Variants in TRPM3 observed in about 807,000 individuals in gnomAD.
TRPM3 encodes the protein long transient receptor potential channel 3.
Under a neutral mutation model 181.2 loss-of-function variants are expected in TRPM3, and 77 were observed. That is an observed-to-expected ratio of 0.42 (90% CI 0.35 to 0.51). TRPM3 has a LOEUF of 0.51. Among genes scored for constraint, TRPM3 ranks in the 20% least tolerant of loss-of-function variants. The probability of loss-of-function intolerance (pLI) is 0.01; values close to 1 mark genes in which losing one functional copy is unlikely to be tolerated. For missense variants in TRPM3, 1,759 were observed against 2,196.7 expected, an observed-to-expected ratio of 0.80 and a Z score of 3.98; for synonymous variants, 745 against 796.4, an observed-to-expected ratio of 0.94 and a Z score of 1.09.
At chr9:70,978,288 T>A (rs1284348724) in intron 1 of TRPM3, among the ~76,000 whole-genome samples, 1 of 152,252 alleles carries the variant, frequency 6.6e-6, no homozygotes, top group Non-Finnish European at 1.5e-5. Flanking sequence ...AATGTTTTGA[T>A]GCTTCTTAGG....
At chr9:71,148,858 A>C (rs2075576387) in intron 1 of TRPM3, among the ~76,000 whole-genome samples, 1 of 152,206 alleles carries the variant, frequency 6.6e-6, no homozygotes, top group Non-Finnish European at 1.5e-5. Context: ...ATCTGTGGTC[A>C]TTATAGTAAT....
chr9:71,431,755 C>T (rs2093957046), intron 1 of TRPM3, among the ~76,000 whole-genome samples: 1 of 152,076 alleles, frequency 6.6e-6, no homozygotes, highest in East Asian at 1.9e-4. Context: ...AAATAAAACC[C>T]ACAGTGGAAT....
intron 1 of TRPM3, among the ~76,000 whole-genome samples, chr9:70,909,381 G>A (rs1453826353): frequency 2.0e-5 from 3 of 152,148 alleles, no homozygotes; most frequent in South Asian, 2.1e-4. Context: ...GGTGATGGGA[G>A]CGGTTAGACC....
chr9:71,251,065 A>C (rs1249316278), intron 1 of TRPM3, among the ~76,000 whole-genome samples: 2 of 152,142 alleles, frequency 1.3e-5, no homozygotes, highest in Non-Finnish European at 2.9e-5. Flanking sequence ...GATGGATGGG[A>C]AGATAAGTAT....
chr9:71,337,235 G>GA (rs1277025661), intron 1 of TRPM3, among the ~76,000 whole-genome samples: 2 of 151,744 alleles, frequency 1.3e-5, no homozygotes, highest in South Asian at 2.1e-4. Context: ...AAATTTACAA[G>GA]AAAAAAACAA....
intron 1 of TRPM3, among the ~76,000 whole-genome samples, chr9:71,326,211 A>G (rs2089669633): frequency 6.6e-6 from 1 of 152,234 alleles, no homozygotes; most frequent in Non-Finnish European, 1.5e-5. Context: ...GTAGCAAACA[A>G]AATGTCCTAC....
In TRPM3 at chr9:71,147,207, G is replaced by A. The variant is rs555732032; in HGVS notation, c.184-282696C>T. ...AGTGAAAAAATAGAGTATTTTCATC[G>A]AGGAGATAGCTTCATGGATTTCTTA... On this transcript the variant is annotated intron_variant, in intron 1 of 24. Transcript: ENST00000357533. Among the ~76,000 whole-genome samples, 22 of 152,232 alleles carry A rather than the reference G, an allele frequency of 1.4e-4. No individual in the cohort carries two copies. The East Asian group carries it at 3.5e-3, about 24-fold the overall frequency.
At position 71,305,453 on chromosome 9, in the gene TRPM3, C is replaced by T. The variant is rs563520316; in HGVS notation, c.183+141200G>A. 2.0e-5 allele frequency among the ~76,000 whole-genome samples: 3 copies of T among 152,194 alleles called. No homozygotes were observed. In the East Asian group the frequency reaches 5.8e-4, roughly 29 times the overall value. The stretch of plus-strand genomic sequence containing the variant: ...TAATTTGTGTCAAGCTTGCTGATGG[C>T]AGCTGCTGTTGGTACTTTTCTCCAG... On this transcript the variant is annotated intron_variant, in intron 1 of 24. Coordinates refer to the TRPM3 transcript ENST00000357533.
At chr9:71,027,359 A>G (rs1416802212) in intron 1 of TRPM3, among the ~76,000 whole-genome samples, 1 of 152,234 alleles carries the variant, frequency 6.6e-6, no homozygotes, top group East Asian at 1.9e-4. Flanking sequence ...ACGTCTGCCT[A>G]CAAAGATAAG....
At chr9:70,555,717 C>A (rs1335754459) in intron 22 of TRPM3, among the ~76,000 whole-genome samples, 1 of 152,178 alleles carries the variant, frequency 6.6e-6, no homozygotes, top group Non-Finnish European at 1.5e-5. Context: ...CTCATGGAAC[C>A]ATTGCTTTGT....
intron 1 of TRPM3, among the ~76,000 whole-genome samples, chr9:70,880,801 T>G (rs574584178): frequency 6.6e-6 from 1 of 152,240 alleles, no homozygotes; most frequent in African/African-American, 2.4e-5. Context: ...TACAAGTAAC[T>G]TAGAGGCTAC....
At chr9:70,693,184 C>G (rs2069098707) in intron 8 of TRPM3, among the ~76,000 whole-genome samples, 1 of 152,170 alleles carries the variant, frequency 6.6e-6, no homozygotes, top group South Asian at 2.1e-4. Context: ...CTTTTCCTGG[C>G]AATTGATGTT....
chr9:71,115,624 G>A (rs1313867052), intron 1 of TRPM3, among the ~76,000 whole-genome samples: 3 of 152,194 alleles, frequency 2.0e-5, no homozygotes, highest in Non-Finnish European at 4.4e-5. Context: ...TCATCTGGCA[G>A]GACAGCAGGG....
intron 4 of TRPM3, among the ~76,000 whole-genome samples, chr9:70,845,249 T>TA (rs2094905670): frequency 6.6e-6 from 1 of 152,172 alleles, no homozygotes; most frequent in Non-Finnish European, 1.5e-5. Flanking sequence ...GTGTTATTTT[T>TA]GTTTTTTGAG....
intron 1 of TRPM3, among the ~76,000 whole-genome samples, chr9:71,010,422 A>C (rs2097723784): frequency 6.6e-6 from 1 of 152,080 alleles, no homozygotes. Flanking sequence ...ACAACAACAA[A>C]AAACTCCAAA....
intron 1 of TRPM3, among the ~76,000 whole-genome samples, chr9:70,980,062 T>G (rs2097348431): frequency 7.3e-5 from 1 of 13,778 alleles, no homozygotes; most frequent in Non-Finnish European, 1.3e-4. Context: ...GCCATGCATG[T>G]GCGTGCACAC....
intron 22 of TRPM3, among the ~76,000 whole-genome samples, chr9:70,557,806 T>G (rs1193307620): frequency 6.6e-6 from 1 of 152,194 alleles, no homozygotes. Context: ...GCATGGTCAG[T>G]ACCACCTCCA....
In TRPM3 at chr9:71,080,171, AAAAT is replaced by A. The variant is rs71367253; in HGVS notation, c.177+41003_177+41006del. Among the ~76,000 whole-genome samples the A allele has an allele frequency of 3.9e-3, 513 of 133,196 alleles. 3 individuals carry two copies. The highest frequency in any genetic ancestry group is 0.013 in the African/African-American group (435 of 34,570). The allele number at this position is 133,196 out of a possible 152,430, so 87.4% of individuals were successfully genotyped here. A position where few individuals can be genotyped will look rare whatever the true frequency, so the allele number is the denominator to read the frequency against. On this transcript the variant is annotated intron_variant, in intron 1 of 25. Transcript: ENST00000677713. ...GACAACAAGAGTCAAACTCCATCTC[AAAAT>A]AAATAAATAAATAAATAAATAAATA...
intron 1 of TRPM3, among the ~76,000 whole-genome samples, chr9:71,239,573 C>A (rs1026987575): frequency 2.0e-5 from 3 of 152,002 alleles, no homozygotes. Flanking sequence ...ACAAAACCAC[C>A]TTTTTACCTC....
Sources: allele counts gnomAD v4.1 joint callset (sites outside exome capture counted in the v4.1 genomes callset), GRCh38; gene constraint gnomAD v4.1.1; transcripts MANE v1.5; gene names NCBI Gene and HGNC (gene_info 2026-07-23, HGNC 2026-07-21).